TRIM37: variants seen among roughly 807,000 people sequenced by gnomAD.
The protein encoded by TRIM37 is E3 ubiquitin-protein ligase TRIM37.
A neutral mutation model predicts 129.8 loss-of-function variants in TRIM37; 80 were observed. That is an observed-to-expected ratio of 0.62 (90% CI 0.51 to 0.74). The LOEUF is 0.74. Among genes scored for constraint, TRIM37 ranks in the 30% least tolerant of loss-of-function variants. TRIM37 has a pLI of 0.00. For missense variants in TRIM37, 1,054 were observed against 1,176.5 expected, an observed-to-expected ratio of 0.90 and a Z score of 1.52; for synonymous variants, 389 against 387.1, an observed-to-expected ratio of 1.00 and a Z score of -0.06.
downstream of TRIM37, chr17:58,980,633 GGA>G: frequency 6.2e-7 from 1 of 1,614,174 alleles, no homozygotes; most frequent in Non-Finnish European, 8.5e-7. The surrounding 1 kb of genome is among the most constrained non-coding windows in gnomAD (Gnocchi z 4.7). Flanking sequence ...GAGTGGTGCT[GGA>G]GAGTTTCCCA....
At chr17:58,972,432 C>A in the TRIM37 span, among the ~76,000 whole-genome samples, 1 of 151,958 alleles carries the variant, frequency 6.6e-6, no homozygotes, top group Admixed American at 6.6e-5. Flanking sequence ...CTCACTGCAA[C>A]CTCCGCCTCC....
intron 17 of TRIM37, among the ~76,000 whole-genome samples, chr17:59,033,848 T>C (rs1185702639): frequency 4.6e-5 from 7 of 151,172 alleles, no homozygotes; most frequent in Non-Finnish European, 8.8e-5. Flanking sequence ...CTGGGTGCAG[T>C]GGCTCACGCC....
Position 59,079,831 on chromosome 17 carries a change from C to T in TRIM37, c.539G>A (p.Arg180Gln), listed in dbSNP as rs755138541. The change falls in exon 7 of 24, where the codon CGG (arginine) becomes CAG (glutamine). Residue 180 changes from arginine to glutamine, a missense_variant. By Grantham distance (43) the Arg-to-Gln change is conservative (BLOSUM62 1). Transcript: ENST00000262294. ...AVRNAKDERV[R>Q]EIRNAVEMMI... ...CATCTCCACTGCATTCCTAATTTCC[C>T]GAACACGCTCATCTTTTGCATTTCT... 7 of 1,614,048 alleles carry T rather than the reference C, an allele frequency of 4.3e-6. No homozygotes were observed. The highest frequency in any genetic ancestry group is 2.2e-5 in the East Asian group (1 of 44,860).
chr17:59,002,873 T>G (rs1414793642), intron 22 of TRIM37, among the ~76,000 whole-genome samples: 2 of 151,974 alleles, frequency 1.3e-5, no homozygotes, highest in Non-Finnish European at 2.9e-5. Flanking sequence ...CTCCACCCCC[T>G]GCATAATGTT....
intron 24 of TRIM37, chr17:58,983,852 A>C (rs1465683929): frequency 6.6e-6 from 1 of 152,646 alleles, no homozygotes; most frequent in Non-Finnish European, 1.5e-5. Flanking sequence ...CAAGAGTGTA[A>C]TATTGGTTAG....
In TRIM37 at chr17:59,106,813, G is replaced by T; in HGVS notation, c.-352C>A. 2.1e-6 allele frequency: 1 copy of T among 482,982 alleles called. No individual in the cohort carries two copies. The highest frequency in any genetic ancestry group is 3.7e-6 in the Non-Finnish European group (1 of 268,174). The allele number at this position is 482,982 out of a possible 1,614,324, so 29.9% of individuals were successfully genotyped here. A position where few individuals can be genotyped will look rare whatever the true frequency, so the allele number is the denominator to read the frequency against. The stretch of plus-strand genomic sequence containing the variant: ...GACGGTGGAGTTCAGCGAAGAAGGT[G>T]CCGCAGAGAATTCGCAAACACCAAC... On this transcript the variant is annotated 5_prime_UTR_variant, in exon 1 of 24. Transcript: ENST00000262294.
rs1247566624 is a variant in TRIM37, at chr17:59,068,804, T to C, written c.809+2019A>G. Among the ~76,000 whole-genome samples, 5 of 152,184 alleles carry C rather than the reference T, an allele frequency of 3.3e-5. No homozygotes were observed. The East Asian group carries it at 7.7e-4, about 23-fold the overall frequency. Reference sequence around the variant, plus strand: ...CTTCTGTTTATAGGACTGTGGCATCTATAACGAGTAAGAAGGGCTTATAAC... The same window carrying C: ...CTTCTGTTTATAGGACTGTGGCATCCATAACGAGTAAGAAGGGCTTATAAC... On this transcript the variant is annotated intron_variant, in intron 9 of 23. Transcript: ENST00000262294.
the TRIM37 span, among the ~76,000 whole-genome samples, chr17:58,967,599 T>C: frequency 6.6e-6 from 1 of 151,738 alleles, no homozygotes; most frequent in Non-Finnish European, 1.5e-5. Context: ...TCCTTTGTTA[T>C]TAGTCTAAAT....
chr17:59,058,615 T>C (rs1003401676), intron 12 of TRIM37, among the ~76,000 whole-genome samples: 2 of 152,122 alleles, frequency 1.3e-5, no homozygotes, highest in Non-Finnish European at 2.9e-5. Flanking sequence ...CCCAGCACTT[T>C]AAGAGACCGA....
At chr17:59,057,151 A>C in intron 12 of TRIM37, 97 bp from the exon 13 acceptor site, 1 of 1,034,838 alleles carries the variant, frequency 9.7e-7, no homozygotes, top group South Asian at 1.4e-5. Context: ...ATTACCTGAG[A>C]AGAAACCTTA....
chr17:58,990,778 G>A (rs1165754221), intron 24 of TRIM37, among the ~76,000 whole-genome samples: 3 of 131,164 alleles, frequency 2.3e-5, no homozygotes, highest in African/African-American at 5.8e-5. Context: ...GCAACAGAGT[G>A]AAACTCTGTC....
At chr17:59,080,852 T>C (rs2043195812) in intron 6 of TRIM37, among the ~76,000 whole-genome samples, 1 of 152,160 alleles carries the variant, frequency 6.6e-6, no homozygotes, top group Non-Finnish European at 1.5e-5. Flanking sequence ...TTAAATTCAC[T>C]GATTTTCTAA....
In TRIM37 at chr17:59,056,862, T is replaced by C. The variant is rs2040981539; in HGVS notation, c.1199+13A>G. 6.2e-7 allele frequency: 1 copy of C among 1,609,964 alleles called. No individual in the cohort carries two copies. The highest frequency in any genetic ancestry group is 1.7e-4 in the Middle Eastern group (1 of 6,036). ...CCACAATAAAAACCACAACATCAAA[T>C]TTTTCCTGTTACCTTAAAATCACTG... On this transcript the variant is annotated intron_variant, in intron 13 of 23. Transcript: ENST00000262294.
downstream of TRIM37, among the ~76,000 whole-genome samples, chr17:58,979,116 A>C (rs1053173369): frequency 9.9e-5 from 15 of 152,232 alleles, no homozygotes; most frequent in African/African-American, 3.6e-4. Flanking sequence ...AAGAAAAGGA[A>C]GAGAGAAAGG....
chr17:58,998,194 G>A, downstream of TRIM37: 1 of 984,768 alleles, frequency 1.0e-6, no homozygotes, highest in Admixed American at 6.1e-5. Context: ...ATAAACAGCA[G>A]AGGCATATTT....
At chr17:59,039,269 A>G (rs1227253312) in intron 17 of TRIM37, among the ~76,000 whole-genome samples, 3 of 151,444 alleles carry the variant, frequency 2.0e-5, no homozygotes, top group East Asian at 3.9e-4. Flanking sequence ...ATCAATTCCT[A>G]TGTTACCCTT....
At chr17:58,968,078 A>C in the TRIM37 span, among the ~76,000 whole-genome samples, 1 of 152,166 alleles carries the variant, frequency 6.6e-6, no homozygotes, top group East Asian at 1.9e-4. Context: ...CTGGAATTAC[A>C]GGTGTGAGCC....
intron 23 of TRIM37, among the ~76,000 whole-genome samples, chr17:59,000,915 C>T: frequency 6.6e-6 from 1 of 152,036 alleles, no homozygotes; most frequent in East Asian, 1.9e-4. Context: ...CTTCTTTGGG[C>T]TGGGCACGGT....
Position 58,999,429 on chromosome 17 carries a change from T to C in TRIM37, c.2843A>G (p.Gln948Arg). 3 of 1,613,696 alleles carry C rather than the reference T, an allele frequency of 1.9e-6. No individual in the cohort carries two copies. In the Middle Eastern group the frequency reaches 5.0e-4, roughly 267 times the overall value. ...DTHSSFPDGE[Q>R]IGPEDLSFNT... Reference sequence around the variant, plus strand: ...GAAGCTGAGATCTTCAGGGCCTATTTGTTCACCATCAGGAAAACTGGAATG... The same window carrying C: ...GAAGCTGAGATCTTCAGGGCCTATTCGTTCACCATCAGGAAAACTGGAATG... The change falls in exon 24 of 24, where the codon CAA becomes CGA. Residue 948 changes from glutamine (Q) to arginine (R), a missense_variant. By Grantham distance (43) the Gln-to-Arg change is conservative. This residue lies in a region of TRIM37 where 287 missense variants were observed against 274.3 expected (regional missense o/e 1.05). Coordinates refer to ENST00000262294, the MANE Select transcript of TRIM37 (RefSeq NM_015294.6).
Sources: allele counts gnomAD v4.1 joint callset (sites outside exome capture counted in the v4.1 genomes callset), GRCh38; gene constraint gnomAD v4.1.1; regional missense constraint gnomAD v4.1.1; non-coding constraint Gnocchi (gnomAD v3.1); transcripts MANE v1.5; gene names NCBI Gene and HGNC (gene_info 2026-07-23, HGNC 2026-07-21).